Variants in MTCL1 observed in about 807,000 individuals in gnomAD.
MTCL1 encodes the protein microtubule cross-linking factor 1.
In MTCL1, 79 loss-of-function variants were observed where a neutral mutation model predicts 141.4. The observed-to-expected ratio is 0.56, with a 90% CI of 0.47 to 0.67. The LOEUF (loss-of-function observed/expected upper bound fraction) is 0.67. Ranked by LOEUF, MTCL1 falls within the 30% of genes least tolerant of loss-of-function variation. The pLI is 0.00. For missense variants in MTCL1, 2,177 were observed against 2,113.9 expected, an observed-to-expected ratio of 1.03 and a Z score of -0.59; for synonymous variants, 914 against 875.8, an observed-to-expected ratio of 1.04 and a Z score of -0.77.
chr18:8,754,497 A>G (rs2096387531), intron 4 of MTCL1, among the ~76,000 whole-genome samples: 1 of 152,232 alleles, frequency 6.6e-6, no homozygotes, highest in South Asian at 2.1e-4. Context: ...GCTTTATAAC[A>G]TGTTAGAATG....
At chr18:8,764,468 C>T (rs929928017) in intron 4 of MTCL1, among the ~76,000 whole-genome samples, 3 of 152,010 alleles carry the variant, frequency 2.0e-5, no homozygotes, top group African/African-American at 7.3e-5. Flanking sequence ...CAGGTGTGCA[C>T]CACACACCCG....
chr18:8,709,525 C>T (rs58687709), intron 1 of MTCL1, among the ~76,000 whole-genome samples: 7,138 of 152,202 alleles, frequency 0.047, 227 homozygotes, highest in Middle Eastern at 0.16. Context: ...GATAAAAGTA[C>T]GTCCTTGACC....
In MTCL1 at chr18:8,798,283, C is replaced by T. The variant is rs541962395; in HGVS notation, c.2428C>T (p.His810Tyr). 8 of 1,541,418 alleles carry T rather than the reference C, an allele frequency of 5.2e-6. No homozygotes were observed. In the South Asian group the frequency reaches 8.6e-5, roughly 17 times the overall value. ...GCAGACCGCGGACAGGGGACAGCCC[C>T]ACAAACAGGTGGGTACCTCGACCCG... Residue 810 changes from histidine (H) to tyrosine (Y), a missense_variant, in exon 10 of 17, where the codon CAC becomes TAC. Transcript: ENST00000359865.
chr18:8,733,675 G>A (rs1387211842), intron 4 of MTCL1, among the ~76,000 whole-genome samples: 3 of 152,110 alleles, frequency 2.0e-5, no homozygotes, highest in South Asian at 2.1e-4. Context: ...CAAAGTGCTG[G>A]GATTACAGGC....
chr18:8,747,764 G>A (rs998878824), intron 4 of MTCL1, among the ~76,000 whole-genome samples: 11 of 152,296 alleles, frequency 7.2e-5, no homozygotes, highest in Admixed American at 2.6e-4. Context: ...AGGAAGTCTC[G>A]CTGGAATCTG....
At chr18:8,763,321 G>A (rs1479908467) in intron 4 of MTCL1, among the ~76,000 whole-genome samples, 1 of 152,252 alleles carries the variant, frequency 6.6e-6, no homozygotes, top group Admixed American at 6.5e-5. Context: ...GCTGGCTGGG[G>A]CTTCCCTGAT....
upstream of MTCL1, among the ~76,000 whole-genome samples, chr18:8,716,569 ATTTTTTT>A (rs138840096): frequency 4.3e-3 from 450 of 103,878 alleles, 3 homozygotes; most frequent in African/African-American, 0.016. Flanking sequence ...CTTTTTGTTC[ATTTTTTT>A]TTTTTTTTTT....
Position 8,779,162 on chromosome 18 carries a change from G to A in MTCL1, c.417+1270G>A, listed in dbSNP as rs1307186355. 1.3e-5 allele frequency among the ~76,000 whole-genome samples: 2 copies of A among 152,228 alleles called. No homozygotes were observed. The highest frequency in any genetic ancestry group is 2.9e-5 in the Non-Finnish European group (2 of 68,044). On this transcript the variant is annotated intron_variant, in intron 5 of 16. Coordinates refer to ENST00000359865, the Ensembl canonical transcript of MTCL1. The surrounding 1 kb of genome is among the most constrained non-coding windows in gnomAD (Gnocchi z 4.1). ...AGGGTGCTGGCTGGACGGCTGACTT[G>A]CAAGCCAAAGAATATATACAGAGAG...
At chr18:8,793,861 T>C (rs2075821805) in intron 8 of MTCL1, among the ~76,000 whole-genome samples, 1 of 152,220 alleles carries the variant, frequency 6.6e-6, no homozygotes, top group Non-Finnish European at 1.5e-5. Flanking sequence ...GCATATCCTA[T>C]CCAAATAAGG....
intron 14 of MTCL1, among the ~76,000 whole-genome samples, chr18:8,824,116 C>T (rs986572476): frequency 3.3e-5 from 5 of 152,368 alleles, no homozygotes; most frequent in African/African-American, 1.2e-4. Flanking sequence ...CTGACCACCA[C>T]TTCTTTGCCC....
At chr18:8,816,975 A>T (rs8092820) in intron 12 of MTCL1, among the ~76,000 whole-genome samples, 92,028 of 151,934 alleles carry the variant, frequency 0.61, 28,526 homozygotes, top group Non-Finnish European at 0.67. Context: ...CTCCAGTTCA[A>T]TTTTAGGAAA....
chr18:8,706,821 C>T (rs2096060498), intron 1 of MTCL1, 108 bp downstream of exon 1: 4 of 1,478,520 alleles, frequency 2.7e-6, no homozygotes, highest in Non-Finnish European at 2.7e-6. Context: ...CCTTCTCCCT[C>T]CTGCTCTCCA....
exon 6 of MTCL1, chr18:8,783,619 G>A (rs2096540178): frequency 3.1e-6 from 5 of 1,613,586 alleles, no homozygotes; most frequent in Non-Finnish European, 4.2e-6. Flanking sequence ...TAGGAAGGGA[G>A]AAGGACGAGC....
At chr18:8,784,302 A>T (rs748637616) in exon 6 of MTCL1, 1 of 1,575,252 alleles carries the variant, frequency 6.3e-7, no homozygotes, top group African/African-American at 1.3e-5. Flanking sequence ...AAGGAGAGTG[A>T]TGGGGAGGAG....
chr18:8,726,537 ATGCGCG>A (rs2096216089), intron 4 of MTCL1, among the ~76,000 whole-genome samples: 1 of 94,366 alleles, frequency 1.1e-5, no homozygotes, highest in Non-Finnish European at 2.1e-5. Flanking sequence ...GCGAGTGCGC[ATGCGCG>A]CGCGCAACAA....
intron 5 of MTCL1, among the ~76,000 whole-genome samples, chr18:8,778,465 A>C (rs114399855): frequency 0.017 from 2,622 of 152,290 alleles, 67 homozygotes; most frequent in African/African-American, 0.053. Flanking sequence ...GAGAGAACAA[A>C]GGTGTTATTG....
At chr18:8,709,815 C>T (rs944713521) in intron 1 of MTCL1, among the ~76,000 whole-genome samples, 2 of 152,158 alleles carry the variant, frequency 1.3e-5, no homozygotes, top group Admixed American at 6.5e-5. Flanking sequence ...TGGCTTTTAG[C>T]CAGGCTGCTG....
At chr18:8,775,866 C>A (rs2096505717) in intron 4 of MTCL1, among the ~76,000 whole-genome samples, 1 of 152,172 alleles carries the variant, frequency 6.6e-6, no homozygotes, top group Non-Finnish European at 1.5e-5. Flanking sequence ...GGCCTTCTCT[C>A]AGTTATCTAT....
chr18:8,717,880 G>C (rs1053703986), intron 1 of MTCL1: 17 of 989,422 alleles, frequency 1.7e-5, no homozygotes, highest in Non-Finnish European at 1.9e-5. Flanking sequence ...TTAAAATAAT[G>C]GAAAATGTCT....
Sources: allele counts gnomAD v4.1 joint callset (sites outside exome capture counted in the v4.1 genomes callset), GRCh38; gene constraint gnomAD v4.1.1; non-coding constraint Gnocchi (gnomAD v3.1); transcripts MANE v1.5; gene names NCBI Gene and HGNC (gene_info 2026-07-23, HGNC 2026-07-21).